DGKH: variants seen among roughly 807,000 people sequenced by gnomAD.
DGKH encodes diacylglycerol kinase eta, also known as DAG kinase eta.
In DGKH, 90 loss-of-function variants were observed where a neutral mutation model predicts 159.3. That is an observed-to-expected ratio of 0.57 (90% CI 0.48 to 0.67). The LOEUF (loss-of-function observed/expected upper bound fraction) is 0.67. DGKH is among the 30% of genes least tolerant of loss of function. The pLI is 0.00. For synonymous variants in DGKH, 536 were observed against 553.8 expected, an observed-to-expected ratio of 0.97 and a Z score of 0.45; for missense variants, 1,181 against 1,506.1, an observed-to-expected ratio of 0.78 and a Z score of 3.57.
chr13:42,041,732 C>T (rs1397358108), intron 1 of DGKH, among the ~76,000 whole-genome samples: 1 of 152,172 alleles, frequency 6.6e-6, no homozygotes, highest in African/African-American at 2.4e-5. Context: ...TGTGGGCTGC[C>T]TTTTCCCTGG....
chr13:42,225,275 C>T (rs746673666), intron 29 of DGKH: 3 of 1,585,474 alleles, frequency 1.9e-6, no homozygotes, highest in Non-Finnish European at 2.6e-6. Context: ...CTGATTGCAT[C>T]ATTTTCTTTG....
Position 42,149,373 on chromosome 13 carries a change from G to A in DGKH, c.385-5918G>A, listed in dbSNP as rs546679971. ...TACAGTTCAGATCACGAAGGGTCTT[G>A]TAAGCCATGCCAAGTGGTTTAGAAG... On this transcript the variant is annotated intron_variant, in intron 3 of 29. Coordinates refer to ENST00000337343, the MANE Select transcript of DGKH (RefSeq NM_178009.5). Among the ~76,000 whole-genome samples the A allele has an allele frequency of 1.6e-4, 25 of 152,282 alleles. No individual in the cohort carries two copies. The South Asian group carries it at 5.2e-3, about 32-fold the overall frequency.
chr13:42,176,231 T>C (rs1412437153), intron 12 of DGKH, among the ~76,000 whole-genome samples: 1 of 152,222 alleles, frequency 6.6e-6, no homozygotes, highest in Non-Finnish European at 1.5e-5. Context: ...AATACATTAG[T>C]CAACTGGCAT....
chr13:42,131,273 G>A (rs1449036305), intron 3 of DGKH, among the ~76,000 whole-genome samples: 2 of 152,150 alleles, frequency 1.3e-5, no homozygotes, highest in African/African-American at 2.4e-5. Context: ...TTCTTTTGTT[G>A]TGTTTTAAAA....
At chr13:42,243,526 G>A (rs1433553755), downstream of DGKH, among the ~76,000 whole-genome samples, 2 of 152,164 alleles carry the variant, frequency 1.3e-5, no homozygotes, top group African/African-American at 4.8e-5. Context: ...TAAAATCACT[G>A]TCTGGTGAGG....
intron 3 of DGKH, among the ~76,000 whole-genome samples, chr13:42,135,563 C>T (rs1448650936): frequency 6.7e-6 from 1 of 149,556 alleles, no homozygotes; most frequent in African/African-American, 2.4e-5. Flanking sequence ...TAAGTTCTAC[C>T]ATGGCATTTT....
At chr13:42,137,256 A>C (rs1405776960) in intron 3 of DGKH, among the ~76,000 whole-genome samples, 3 of 152,244 alleles carry the variant, frequency 2.0e-5, no homozygotes, top group South Asian at 2.1e-4. Flanking sequence ...TTGTGAATGC[A>C]CACACACAAA....
At chr13:42,164,731 A>G (rs892331056) in intron 7 of DGKH, among the ~76,000 whole-genome samples, 8 of 152,182 alleles carry the variant, frequency 5.3e-5, no homozygotes, top group Non-Finnish European at 1.0e-4. Context: ...GGTGCCTGTG[A>G]TACGCATCAC....
At chr13:42,041,990 C>T (rs537866757) in intron 1 of DGKH, among the ~76,000 whole-genome samples, 3 of 152,288 alleles carry the variant, frequency 2.0e-5, no homozygotes, top group African/African-American at 7.2e-5. Flanking sequence ...ACGCTCTCAG[C>T]TCCTTTGCCC....
In DGKH at chr13:42,069,843, G is replaced by C. The variant is rs1010453020; in HGVS notation, c.192+20878G>C. The C allele has an allele frequency of 1.5e-5, 13 of 867,196 alleles. No individual in the cohort carries two copies. The Admixed American group carries it at 1.9e-4, about 13-fold the overall frequency. 53.7% of individuals were successfully genotyped at this position (867,196 alleles called of 1,614,324 possible). On this transcript the variant is annotated intron_variant, in intron 1 of 29. Transcript: ENST00000337343. Reference sequence around the variant, plus strand: ...GCCAACAAGGCTCAGCAGAGTAATTGGTATGGAAAGCAGGATCCCCCAGAT... The same window carrying C: ...GCCAACAAGGCTCAGCAGAGTAATTCGTATGGAAAGCAGGATCCCCCAGAT...
At chr13:42,078,681 ACT>A (rs963410225) in intron 1 of DGKH, among the ~76,000 whole-genome samples, 33 of 151,870 alleles carry the variant, frequency 2.2e-4, no homozygotes, top group African/African-American at 7.7e-4. Flanking sequence ...AAAACTGAAA[ACT>A]CTAAAAAAAC....
At chr13:42,111,001 C>T (rs1351087395) in intron 1 of DGKH, among the ~76,000 whole-genome samples, 1 of 152,126 alleles carries the variant, frequency 6.6e-6, no homozygotes, top group Non-Finnish European at 1.5e-5. Context: ...CACTATGGCA[C>T]ATGTTTACCT....
chr13:42,221,485 C>T (rs1054946574), intron 29 of DGKH, 91 bp downstream of exon 29: 116 of 1,519,138 alleles, frequency 7.6e-5, no homozygotes, highest in Non-Finnish European at 9.0e-5. Context: ...CTTTTAGCTT[C>T]GCTTATGTCA....
intron 1 of DGKH, among the ~76,000 whole-genome samples, chr13:42,100,161 C>G (rs1954626493): frequency 6.6e-6 from 1 of 152,180 alleles, no homozygotes; most frequent in Non-Finnish European, 1.5e-5. Context: ...CCTGTCAGAT[C>G]TGCAGCGGCA....
downstream of DGKH, among the ~76,000 whole-genome samples, chr13:42,246,491 T>C (rs1281980278): frequency 2.0e-5 from 3 of 152,138 alleles, no homozygotes; most frequent in Non-Finnish European, 2.9e-5. Flanking sequence ...CTTCTTAGTT[T>C]GAGGTACTAT....
intron 1 of DGKH, among the ~76,000 whole-genome samples, chr13:42,067,934 A>G (rs1295001489): frequency 6.6e-6 from 1 of 152,186 alleles, no homozygotes; most frequent in Non-Finnish European, 1.5e-5. Flanking sequence ...AACTATAATA[A>G]TGATGTACCT....
intron 1 of DGKH, among the ~76,000 whole-genome samples, chr13:42,119,306 T>C (rs530448797): frequency 2.6e-4 from 39 of 152,336 alleles, no homozygotes; most frequent in African/African-American, 9.1e-4. Flanking sequence ...TGTGAATGAA[T>C]CTGAGCAAGC....
chr13:42,225,074 G>A (rs1277785255), intron 29 of DGKH, among the ~76,000 whole-genome samples: 5 of 151,900 alleles, frequency 3.3e-5, no homozygotes, highest in Non-Finnish European at 5.9e-5. Flanking sequence ...TGTGCATGCC[G>A]TCACACCCAA....
intron 29 of DGKH, among the ~76,000 whole-genome samples, chr13:42,227,736 T>C (rs1012855816): frequency 2.0e-5 from 3 of 152,170 alleles, no homozygotes; most frequent in African/African-American, 7.2e-5. Context: ...GACAATAGCA[T>C]TGGCTATGGA....
Sources: allele counts gnomAD v4.1 joint callset (sites outside exome capture counted in the v4.1 genomes callset), GRCh38; gene constraint gnomAD v4.1.1; transcripts MANE v1.5; gene names NCBI Gene and HGNC (gene_info 2026-07-23, HGNC 2026-07-21).